Variants in NOS1AP observed in about 807,000 individuals in gnomAD.
NOS1AP encodes the protein carboxyl-terminal PDZ ligand of neuronal nitric oxide synthase protein.
NOS1AP carries 21 observed loss-of-function variants against 56.2 expected under a neutral mutation model. That is an observed-to-expected ratio of 0.37 (90% CI 0.26 to 0.54). NOS1AP has a LOEUF of 0.54. Ranked by LOEUF, NOS1AP falls within the 20% of genes least tolerant of loss-of-function variation. The pLI, the probability that NOS1AP is intolerant of heterozygous loss-of-function variation, is 0.84. For missense variants in NOS1AP, 522 were observed against 657.8 expected, an observed-to-expected ratio of 0.79 and a Z score of 2.26; for synonymous variants, 270 against 274.6, an observed-to-expected ratio of 0.98 and a Z score of 0.17.
intron 1 of NOS1AP, among the ~76,000 whole-genome samples, chr1:162,095,820 A>G (rs895378654): frequency 1.3e-5 from 2 of 152,222 alleles, no homozygotes; most frequent in Non-Finnish European, 2.9e-5. Flanking sequence ...GATAGAATGA[A>G]GTAAAGCTGT....
At chr1:162,138,780 C>T (rs1649108636) in intron 1 of NOS1AP, among the ~76,000 whole-genome samples, 1 of 152,190 alleles carries the variant, frequency 6.6e-6, no homozygotes, top group Non-Finnish European at 1.5e-5. Flanking sequence ...TGTGGCACCC[C>T]TAGTGTGCCA....
At chr1:162,241,500 C>T (rs895125236) in intron 2 of NOS1AP, among the ~76,000 whole-genome samples, 9 of 152,134 alleles carry the variant, frequency 5.9e-5, no homozygotes, top group African/African-American at 2.2e-4. Flanking sequence ...CTATGCTGGG[C>T]AACCTTCTGA....
chr1:162,252,667 T>C (rs547796690), intron 2 of NOS1AP, among the ~76,000 whole-genome samples: 1 of 152,202 alleles, frequency 6.6e-6, no homozygotes, highest in Non-Finnish European at 1.5e-5. Context: ...AATCCCTGGT[T>C]TCTTTAACTC....
chr1:162,206,939 A>G (rs1404402663), intron 2 of NOS1AP, among the ~76,000 whole-genome samples: 1 of 152,236 alleles, frequency 6.6e-6, no homozygotes, highest in African/African-American at 2.4e-5. Flanking sequence ...AATAGAAGGA[A>G]TTAACCAGCA....
rs180675336 is a variant in NOS1AP, at chr1:162,159,592, C to T, written c.177+5116C>T. ...TGCAAACATCCCTTCCTTGGGGAGGCCTTTCCTACCTAGGTCATCTTGTCC... is the reference window on the plus strand; with the variant it reads ...TGCAAACATCCCTTCCTTGGGGAGGTCTTTCCTACCTAGGTCATCTTGTCC... On this transcript the variant is annotated intron_variant, in intron 2 of 9. Transcript: ENST00000361897. Among the ~76,000 whole-genome samples, 19 of 152,246 alleles carry T rather than the reference C, an allele frequency of 1.2e-4. No homozygotes were observed. The East Asian group carries it at 3.7e-3, about 29-fold the overall frequency.
chr1:162,277,193 A>T (rs1214356271), intron 2 of NOS1AP, among the ~76,000 whole-genome samples: 3 of 152,176 alleles, frequency 2.0e-5, no homozygotes, highest in African/African-American at 7.2e-5. Context: ...GCACCAGTTT[A>T]GAGAATCATA....
In NOS1AP at chr1:162,127,868, G is replaced by A. The variant is rs144359609; in HGVS notation, c.106-26537G>A. 3.1e-3 allele frequency among the ~76,000 whole-genome samples: 475 copies of A among 152,254 alleles called. 3 individuals are homozygous for A. Among genetic ancestry groups the A allele is most frequent in the African/African-American group, 1.0e-2 (414 of 41,540 alleles). On this transcript the variant is annotated intron_variant, in intron 1 of 9. Coordinates refer to ENST00000361897, the MANE Select transcript of NOS1AP (RefSeq NM_014697.3). Reference sequence around the variant, plus strand: ...GGATTACAATTCGACATGAGATTTCGTGGGGACATAGATCCAAACCATATC... The same window carrying A: ...GGATTACAATTCGACATGAGATTTCATGGGGACATAGATCCAAACCATATC...
intron 5 of NOS1AP, chr1:162,342,428 G>A: frequency 2.3e-6 from 1 of 439,430 alleles, no homozygotes; most frequent in Non-Finnish European, 4.6e-6. Flanking sequence ...TAAGCAGAAG[G>A]AACATAGAAA....
chr1:162,119,206 C>G (rs760783546), intron 1 of NOS1AP, among the ~76,000 whole-genome samples: 9 of 152,180 alleles, frequency 5.9e-5, no homozygotes, highest in Non-Finnish European at 1.0e-4. Context: ...GATGGGAACT[C>G]TTCCAGTAGC....
chr1:162,172,368 A>G (rs568127059), intron 2 of NOS1AP, among the ~76,000 whole-genome samples: 9 of 152,358 alleles, frequency 5.9e-5, no homozygotes, highest in African/African-American at 1.9e-4. Context: ...TGGCAGTCAC[A>G]GAGACTCTTC....
intron 5 of NOS1AP, among the ~76,000 whole-genome samples, chr1:162,339,285 A>G (rs941518953): frequency 2.6e-5 from 4 of 152,218 alleles, no homozygotes; most frequent in Non-Finnish European, 5.9e-5. Flanking sequence ...TGGGCTGCTA[A>G]TAGAAAATGG....
chr1:162,358,023 G>A (rs1244680146), intron 8 of NOS1AP, among the ~76,000 whole-genome samples: 1 of 152,168 alleles, frequency 6.6e-6, no homozygotes, highest in African/African-American at 2.4e-5. Context: ...TAGGAGACGG[G>A]GCAGTTGGGG....
intron 4 of NOS1AP, among the ~76,000 whole-genome samples, chr1:162,315,201 C>A (rs408852): frequency 6.6e-6 from 1 of 151,752 alleles, no homozygotes; most frequent in Admixed American, 6.6e-5. Context: ...AGTAAAGGGC[C>A]AGAGTAAAGG....
chr1:162,155,730 G>T (rs1264635941), intron 2 of NOS1AP, among the ~76,000 whole-genome samples: 2 of 152,164 alleles, frequency 1.3e-5, no homozygotes, highest in Non-Finnish European at 2.9e-5. Flanking sequence ...GAAGGAATTT[G>T]TCCATGTGCT....
chr1:162,370,415 T>A lies in NOS1AP; in HGVS notation c.*2948T>A, dbSNP rs1647363596. The A allele has an allele frequency of 6.6e-6, 1 of 152,226 alleles. No homozygotes were observed. Among genetic ancestry groups the A allele is most frequent in the South Asian group, 2.1e-4 (1 of 4,832 alleles). 9.4% of individuals were successfully genotyped at this position (152,226 alleles called of 1,614,324 possible). A position where few individuals can be genotyped will look rare whatever the true frequency, so the allele number is the denominator to read the frequency against. On this transcript the variant is annotated 3_prime_UTR_variant, in exon 10 of 10. Transcript: ENST00000361897. ...AAGATTCTGTTAATGTAAGTGCACT[T>A]ACTCCCTGGATGTTGTCACTAGTCT... is the stretch of plus-strand genomic sequence containing the variant.
intron 5 of NOS1AP, among the ~76,000 whole-genome samples, chr1:162,343,071 A>G (rs1657162348): frequency 6.6e-6 from 1 of 152,194 alleles, no homozygotes; most frequent in East Asian, 1.9e-4. Context: ...GAACCCCTGC[A>G]TGTGGCTCTT....
At chr1:162,206,452 A>G (rs1342773819) in intron 2 of NOS1AP, among the ~76,000 whole-genome samples, 1 of 152,188 alleles carries the variant, frequency 6.6e-6, no homozygotes, top group African/African-American at 2.4e-5. Flanking sequence ...ACACACAGCC[A>G]CACACATTTG....
intron 4 of NOS1AP, among the ~76,000 whole-genome samples, chr1:162,331,472 A>G (rs778461099): frequency 6.6e-6 from 1 of 152,202 alleles, no homozygotes. Context: ...TACCTCCTCA[A>G]TAACTCTTGG....
chr1:162,240,944 T>A (rs1653471598), intron 2 of NOS1AP, among the ~76,000 whole-genome samples: 1 of 152,146 alleles, frequency 6.6e-6, no homozygotes, highest in South Asian at 2.1e-4. Context: ...CAGGGCAGTG[T>A]GCAGTTATGT....
Sources: gnomAD v4.1 joint callset for allele counts (sites outside exome capture counted in the v4.1 genomes callset) on GRCh38, gnomAD v4.1.1 for gene constraint, MANE v1.5 for transcripts, NCBI Gene and HGNC (gene_info 2026-07-23, HGNC 2026-07-21) for gene names.